SH3D19: variants seen among roughly 807,000 people sequenced by gnomAD.
The protein encoded by SH3D19 is SH3 domain-containing protein 19.
Under a neutral mutation model 112.1 loss-of-function variants are expected in SH3D19, and 58 were observed. That is an observed-to-expected ratio of 0.52 (90% CI 0.42 to 0.64). The LOEUF is 0.64. Ranked by LOEUF, SH3D19 falls within the 30% of genes least tolerant of loss-of-function variation. The pLI is 0.00. For missense variants in SH3D19, 1,090 were observed against 1,263.4 expected, an observed-to-expected ratio of 0.86 and a Z score of 2.08; for synonymous variants, 391 against 448.5, an observed-to-expected ratio of 0.87 and a Z score of 1.62.
At chr4:151,163,462 C>A (rs1362686077) in intron 8 of SH3D19, among the ~76,000 whole-genome samples, 1 of 152,062 alleles carries the variant, frequency 6.6e-6, no homozygotes, top group Non-Finnish European at 1.5e-5. Context: ...TGTTAAAATC[C>A]AGAATACATT....
chr4:151,279,786 C>G (rs1774008037), intron 1 of SH3D19: 5 of 1,613,262 alleles, frequency 3.1e-6, no homozygotes, highest in Non-Finnish European at 4.2e-6. Context: ...CCTTTCTTCT[C>G]TTTCTCTAGT....
At position 151,216,876 on chromosome 4, in the gene SH3D19, A is replaced by ACT. The variant is rs1767194198; in HGVS notation, c.152+9169_152+9170dup. Among the ~76,000 whole-genome samples, 9 of 120,040 alleles carry ACT rather than the reference A, an allele frequency of 7.5e-5. No homozygotes were observed. In the South Asian group the frequency reaches 2.6e-3, roughly 35 times the overall value. The allele number at this position is 120,040 out of a possible 152,430, so 78.8% of individuals were successfully genotyped here. ...TTTCTGAAAACCACAACAAAACAAC[A>ACT]CTGTGTGTGTGTGTGTGTGTGTGTG... On this transcript the variant is annotated intron_variant, in intron 2 of 19. Coordinates refer to ENST00000604030, the MANE Select transcript of SH3D19 (RefSeq NM_001378122.1).
At chr4:151,322,111 C>A (rs892687620) in intron 1 of SH3D19, among the ~76,000 whole-genome samples, 1 of 152,124 alleles carries the variant, frequency 6.6e-6, no homozygotes, top group South Asian at 2.1e-4. Flanking sequence ...ATTTACTTTC[C>A]TATAACTGCT....
At chr4:151,319,221 T>C (rs932929155) in intron 1 of SH3D19, among the ~76,000 whole-genome samples, 1 of 152,220 alleles carries the variant, frequency 6.6e-6, no homozygotes, top group Non-Finnish European at 1.5e-5. Flanking sequence ...GCTAATTTTT[T>C]GTATTTTTGG....
At chr4:151,277,168 G>C (rs1374275951) in intron 1 of SH3D19, 1 of 1,466,570 alleles carries the variant, frequency 6.8e-7, no homozygotes, top group South Asian at 1.4e-5. Context: ...TCTGAGGACA[G>C]AGACATGGGC....
At chr4:151,210,291 T>C (rs530893604) in intron 2 of SH3D19, among the ~76,000 whole-genome samples, 2 of 152,142 alleles carry the variant, frequency 1.3e-5, no homozygotes, top group South Asian at 4.1e-4. Context: ...AAATGTCTGA[T>C]AATAGAAAAA....
At chr4:151,216,495 C>A (rs766404854) in intron 2 of SH3D19, among the ~76,000 whole-genome samples, 6 of 152,084 alleles carry the variant, frequency 3.9e-5, no homozygotes, top group Non-Finnish European at 8.8e-5. Context: ...ACAACTACTT[C>A]TAAATTATAC....
intron 12 of SH3D19, among the ~76,000 whole-genome samples, chr4:151,141,433 G>T (rs778692343): frequency 9.2e-5 from 14 of 152,060 alleles, no homozygotes; most frequent in Non-Finnish European, 1.8e-4. Flanking sequence ...GCCTGGAGTG[G>T]CTTTTCATAA....
chr4:151,287,744 A>G (rs940968722), intron 1 of SH3D19, among the ~76,000 whole-genome samples: 4 of 152,134 alleles, frequency 2.6e-5, no homozygotes, highest in African/African-American at 9.7e-5. Flanking sequence ...AATATTTTAA[A>G]TATTAGCCAC....
chr4:151,127,077 T>C (rs1452571666), intron 19 of SH3D19, among the ~76,000 whole-genome samples: 1 of 151,708 alleles, frequency 6.6e-6, no homozygotes, highest in African/African-American at 2.4e-5. Flanking sequence ...GCCCAGCTAA[T>C]TTTTTTGTAT....
At chr4:151,209,717 T>C (rs1474188060) in intron 2 of SH3D19, among the ~76,000 whole-genome samples, 1 of 152,194 alleles carries the variant, frequency 6.6e-6, no homozygotes, top group African/African-American at 2.4e-5. Context: ...AGTCCAGATT[T>C]CAAATACAGG....
At chr4:151,229,596 T>A (rs9994717) in intron 1 of SH3D19, among the ~76,000 whole-genome samples, 117,335 of 152,144 alleles carry the variant, frequency 0.77, 47,666 homozygotes, top group Non-Finnish European at 0.92. Flanking sequence ...AGAAAAGTAC[T>A]CTGTAAGTAG....
chr4:151,255,407 A>T (rs1455574015), intron 1 of SH3D19, among the ~76,000 whole-genome samples: 1 of 134,012 alleles, frequency 7.5e-6, no homozygotes, highest in Non-Finnish European at 1.6e-5. Flanking sequence ...GGGCAGAGGC[A>T]CTCCCCACAT....
chr4:151,237,127 C>T (rs1481999799), intron 1 of SH3D19, among the ~76,000 whole-genome samples: 1 of 152,158 alleles, frequency 6.6e-6, no homozygotes, highest in Non-Finnish European at 1.5e-5. Context: ...TCTGCAGCTT[C>T]ACTCCTGAAG....
intron 1 of SH3D19, among the ~76,000 whole-genome samples, chr4:151,297,764 T>C (rs897121745): frequency 1.3e-5 from 2 of 152,188 alleles, no homozygotes; most frequent in Non-Finnish European, 2.9e-5. Context: ...CATGTTCTAA[T>C]CCCCAGAATC....
chr4:151,210,339 T>C (rs768219340), intron 2 of SH3D19, among the ~76,000 whole-genome samples: 11 of 152,074 alleles, frequency 7.2e-5, no homozygotes, highest in Non-Finnish European at 1.0e-4. Flanking sequence ...ATGAAAATCA[T>C]GTTATGGGAA....
At chr4:151,257,874 A>C (rs149062344) in intron 1 of SH3D19, among the ~76,000 whole-genome samples, 2,775 of 152,220 alleles carry the variant, frequency 0.018, 40 homozygotes, top group Middle Eastern at 0.037. Flanking sequence ...ATGCCACTGT[A>C]CTTCTAGCCT....
chr4:151,306,138 G>A (rs1728889274), intron 1 of SH3D19, among the ~76,000 whole-genome samples: 1 of 152,172 alleles, frequency 6.6e-6, no homozygotes, highest in Non-Finnish European at 1.5e-5. Context: ...GCGTGCACAG[G>A]TCTGACTACA....
intron 2 of SH3D19, among the ~76,000 whole-genome samples, chr4:151,194,439 T>C (rs1359256758): frequency 6.6e-6 from 1 of 151,984 alleles, no homozygotes; most frequent in Admixed American, 6.6e-5. Flanking sequence ...AGCGATAAAA[T>C]ATAGACAAAT....
Sources: allele counts gnomAD v4.1 joint callset (sites outside exome capture counted in the v4.1 genomes callset), GRCh38; gene constraint gnomAD v4.1.1; transcripts MANE v1.5; gene names NCBI Gene and HGNC (gene_info 2026-07-23, HGNC 2026-07-21).